The following ITIH2 variants were observed in gnomAD, a reference collection of about 807,000 sequenced individuals.
ITIH2 encodes inter-alpha-trypsin inhibitor heavy chain 2, also known as inter-alpha-trypsin inhibitor heavy chain H2.
Under a neutral mutation model 104.4 loss-of-function variants are expected in ITIH2, and 103 were observed. The ratio of observed to expected loss-of-function variants is 0.99; its 90% CI spans 0.84 to 1.16. ITIH2 has a LOEUF of 1.16. ITIH2 is among the 50% of genes most tolerant of loss of function. ITIH2 has a pLI of 0.00. For missense variants in ITIH2, 1,108 were observed against 1,162.4 expected (o/e 0.95, Z 0.68); for synonymous variants, 436 against 435.4 (o/e 1.00, Z -0.02).
At chr10:7,749,002 C>T (rs1270634154) in intron 20 of ITIH2, among the ~76,000 whole-genome samples, 185 bp from the exon 21 acceptor site, 1 of 152,130 alleles carries the variant, frequency 6.6e-6, no homozygotes, top group African/African-American at 2.4e-5. Context: ...TTCGCTGATT[C>T]TCTGTGCTTC....
chr10:7,746,538 T>G, intron 19 of ITIH2, 55 bp from the exon 20 acceptor site: 2 of 1,209,210 alleles, frequency 1.7e-6, no homozygotes, highest in South Asian at 2.5e-5. Context: ...ATAATGAGCC[T>G]CTTTTTATTT....
At chr10:7,736,753 T>C (rs1364906659) in intron 15 of ITIH2, among the ~76,000 whole-genome samples, 1 of 152,170 alleles carries the variant, frequency 6.6e-6, no homozygotes, top group East Asian at 1.9e-4. Context: ...TGGGTAAGTA[T>C]TATTTACGAA....
rs758222157 is a variant in ITIH2 at position 7,744,259 on chromosome 10, C to T, written c.2387C>T (p.Thr796Met). The change falls in exon 18 of 21, where the codon ACG becomes ATG. Residue 796 changes from threonine (T) to methionine (M), a missense_variant. Coordinates refer to ENST00000358415, the MANE Select transcript of ITIH2 (RefSeq NM_002216.3). ...SSTFSLSWSD[T>M]AQVTNQRVQI... ...ACATTCTCCTTGTCCTGGTCCGACA[C>T]GGCTCAAGTCACGAATCAGAGGCAA... The T allele has an allele frequency of 9.9e-6, 16 of 1,613,860 alleles. No homozygotes were observed. The highest frequency in any genetic ancestry group is 2.7e-5 in the African/African-American group (2 of 74,940).
intron 5 of ITIH2, among the ~76,000 whole-genome samples, chr10:7,717,164 G>A (rs1265301466): frequency 1.3e-5 from 2 of 152,080 alleles, no homozygotes; most frequent in Non-Finnish European, 1.5e-5. Context: ...ATGTTGGCCA[G>A]GCTGGTCTCG....
Position 7,732,420 on chromosome 10 carries a change from C to T in ITIH2, c.1730C>T (p.Pro577Leu), listed in dbSNP as rs771947473. ...DFLSKDKHAD[P>L]DFTRKLWAYL... is the part of the protein sequence containing the mutation. The stretch of plus-strand genomic sequence containing the variant: ...CTATCGAAAGACAAGCATGCAGATC[C>T]CGATTTCACCAGGAAACTGTGGGCC... Residue 577 changes from proline to leucine, a missense_variant, in exon 14 of 21, where the codon CCC (proline) becomes CTC (leucine). Pro to Leu is a moderately conservative substitution (Grantham distance 98). Coordinates refer to ENST00000358415, the MANE Select transcript of ITIH2 (RefSeq NM_002216.3). 1.9e-6 allele frequency: 3 copies of T among 1,614,058 alleles called. No individual in the cohort carries two copies. Among genetic ancestry groups the T allele is most frequent in the Non-Finnish European group, 2.5e-6 (3 of 1,180,008 alleles).
chr10:7,741,006 C>G (rs1835118580), intron 16 of ITIH2, among the ~76,000 whole-genome samples: 1 of 152,176 alleles, frequency 6.6e-6, no homozygotes, highest in Admixed American at 6.5e-5. Flanking sequence ...AATATGGCAG[C>G]ACAGATTCAC....
At chr10:7,742,117 T>C (rs1835129962) in intron 16 of ITIH2, among the ~76,000 whole-genome samples, 1 of 152,232 alleles carries the variant, frequency 6.6e-6, no homozygotes, top group South Asian at 2.1e-4. Flanking sequence ...TATTACTTTC[T>C]TGAAGTTACT....
chr10:7,732,465 T>G lies in ITIH2; in HGVS notation c.1775T>G (p.Leu592Arg). Residue 592 changes from leucine (L) to arginine (R), a missense_variant, in exon 14 of 21, where the codon CTG becomes CGG. By Grantham distance (102) the Leu-to-Arg change is moderately radical. Transcript: ENST00000358415. ...TGGGCCTATCTAACCATCAACCAAC[T>G]GCTAGCTGAACGGTAAGAAGAGAAG... The part of the protein sequence containing the change: ...KLWAYLTINQ[L>R]LAERSLAPTA... The G allele has an allele frequency of 6.2e-7, 1 of 1,613,442 alleles. No individual in the cohort carries two copies. The highest frequency in any genetic ancestry group is 8.5e-7 in the Non-Finnish European group (1 of 1,179,570).
At chr10:7,706,554 T>C (rs546184617) in intron 2 of ITIH2, among the ~76,000 whole-genome samples, 1 of 152,266 alleles carries the variant, frequency 6.6e-6, no homozygotes, top group South Asian at 2.1e-4. Context: ...AATCCCTGCT[T>C]TTATGTAGCT....
Position 7,737,686 on chromosome 10 carries a change from T to TAATATTCTA in ITIH2, c.1958-935_1958-934insAATATTCTA, listed in dbSNP as rs1324046440. Among the ~76,000 whole-genome samples the TAATATTCTA allele has an allele frequency of 7.2e-4, 12 of 16,606 alleles. 4 individuals are homozygous for TAATATTCTA. The highest frequency in any genetic ancestry group is 9.5e-4 in the Non-Finnish European group (9 of 9,484). The allele number at this position is 16,606 out of a possible 152,430, so 10.9% of individuals were successfully genotyped here. A position where few individuals can be genotyped will look rare whatever the true frequency, so the allele number is the denominator to read the frequency against. On this transcript the variant is annotated intron_variant, in intron 15 of 20. Transcript: ENST00000358415. ...TATATTATATTCTATATTTTCTATA[T>TAATATTCTA]TATATTCTATATAATATTCTATATT...
rs3839914 is a variant in ITIH2 at position 7,742,188 on chromosome 10, A to ATT, written c.2096-949_2096-948dup. On this transcript the variant is annotated intron_variant, in intron 16 of 20. Coordinates refer to ENST00000358415, the MANE Select transcript of ITIH2 (RefSeq NM_002216.3). Reference sequence around the variant, plus strand: ...TGCCAAATTTAGTGATTGCACATAGATTTTTTTTTTCCTTCACCAAGTATT... The same window carrying ATT: ...TGCCAAATTTAGTGATTGCACATAGATTTTTTTTTTTTCCTTCACCAAGTATT... 3.4e-5 allele frequency among the ~76,000 whole-genome samples: 5 copies of ATT among 148,798 alleles called. No individual in the cohort carries two copies. In the East Asian group the frequency reaches 5.9e-4, roughly 18 times the overall value.
chr10:7,746,905 T>TA lies in ITIH2; in HGVS notation c.2693+202dup, dbSNP rs1374667080. Among the ~76,000 whole-genome samples the TA allele has an allele frequency of 4.0e-5, 4 of 99,560 alleles. No homozygotes were observed. In the East Asian group the frequency reaches 1.0e-3, roughly 26 times the overall value. The allele number at this position is 99,560 out of a possible 152,430, so 65.3% of individuals were successfully genotyped here. The stretch of plus-strand genomic sequence containing the variant: ...TAAATGCAAATAATGACTGGGTATC[T>TA]AGGGTCATGCAATGCCAAGATTAAC... On this transcript the variant is annotated intron_variant, in intron 20 of 20. Transcript: ENST00000358415.
rs937377241 is a variant in ITIH2, at chr10:7,724,857, C to T, written c.984+1290C>T. ...ATAACGTCAGACATTGCCAAATGTC[C>T]GCTGGGGGGAATAATTGCCTCTGGT... On this transcript the variant is annotated intron_variant, in intron 9 of 20. Coordinates refer to ENST00000358415, the MANE Select transcript of ITIH2 (RefSeq NM_002216.3). 5.3e-5 allele frequency among the ~76,000 whole-genome samples: 8 copies of T among 152,072 alleles called. 1 individual carries two copies. The East Asian group carries it at 1.4e-3, about 26-fold the overall frequency.
At chr10:7,714,194 C>G in intron 5 of ITIH2, among the ~76,000 whole-genome samples, 1 of 89,422 alleles carries the variant, frequency 1.1e-5, no homozygotes, top group African/African-American at 5.2e-5. Context: ...TTTTTTGAGA[C>G]GGAATCTCGC....
chr10:7,725,885 A>G (rs1369981329), intron 9 of ITIH2, among the ~76,000 whole-genome samples: 1 of 152,152 alleles, frequency 6.6e-6, no homozygotes, highest in African/African-American at 2.4e-5. Flanking sequence ...CAATATTGGG[A>G]ATTTGGGAAG....
At chr10:7,743,629 C>T (rs1008377564) in intron 17 of ITIH2, among the ~76,000 whole-genome samples, 2 of 151,740 alleles carry the variant, frequency 1.3e-5, no homozygotes, top group Non-Finnish European at 2.9e-5. Context: ...AATACAAAAA[C>T]AATTACCCAG....
chr10:7,748,449 A>C (rs558475502), intron 20 of ITIH2, among the ~76,000 whole-genome samples: 1 of 143,368 alleles, frequency 7.0e-6, no homozygotes, highest in East Asian at 2.1e-4. Context: ...GAGGACATGA[A>C]TCTGCTCAGA....
intron 10 of ITIH2, 24 bp from the exon 11 acceptor site, chr10:7,727,679 C>T (rs377542536): frequency 5.0e-6 from 8 of 1,612,634 alleles, no homozygotes; most frequent in South Asian, 1.1e-5. Flanking sequence ...GCATACCCAA[C>T]GTTTCATTAT....
chr10:7,721,499 G>T, intron 7 of ITIH2, 150 bp from the exon 8 acceptor site: 1 of 653,774 alleles, frequency 1.5e-6, no homozygotes, highest in Non-Finnish European at 2.6e-6. Flanking sequence ...GCCCTGGCAT[G>T]TCCTTCCCAT....
Sources: allele counts gnomAD v4.1 joint callset (sites outside exome capture counted in the v4.1 genomes callset), GRCh38; gene constraint gnomAD v4.1.1; transcripts MANE v1.5; gene names NCBI Gene and HGNC (gene_info 2026-07-23, HGNC 2026-07-21).